The following RUVBL1 variants were observed in gnomAD, a reference collection of about 807,000 sequenced individuals.
RUVBL1 encodes RuvB like AAA ATPase 1, also known as ruvB-like 1.
In RUVBL1, 4 loss-of-function variants were observed where a neutral mutation model predicts 52.4. That is an observed-to-expected ratio of 0.08 (90% CI 0.04 to 0.17). RUVBL1 has a LOEUF of 0.17. Among genes scored for constraint, RUVBL1 ranks in the 10% least tolerant of loss-of-function variants. The probability of loss-of-function intolerance (pLI) is 1.00; values close to 1 mark genes in which losing one functional copy is unlikely to be tolerated. For synonymous variants in RUVBL1, 217 were observed against 214.4 expected, an observed-to-expected ratio of 1.01 and a Z score of -0.10; for missense variants, 298 against 572.8, an observed-to-expected ratio of 0.52 and a Z score of 4.90.
At chr3:128,069,779 A>G in intron 9 of RUVBL1, 1 of 907,468 alleles carries the variant, frequency 1.1e-6, no homozygotes, top group Non-Finnish European at 1.7e-6. Context: ...TGAATTTCGT[A>G]TTCTTTCATT....
Position 128,100,762 on chromosome 3 carries a change from C to T in RUVBL1, c.604-18G>A, listed in dbSNP as rs1031634236. On this transcript the variant is annotated intron_variant, in intron 5 of 10. Transcript: ENST00000322623. ...CCCTGCCTCTGCAAAAAGAGAGAAACATGAGTGCCTGGTAAGTTTTCACTG... is the reference window on the plus strand; with the variant it reads ...CCCTGCCTCTGCAAAAAGAGAGAAATATGAGTGCCTGGTAAGTTTTCACTG... The T allele has an allele frequency of 6.2e-7, 1 of 1,613,430 alleles. No homozygotes were observed. Among genetic ancestry groups the T allele is most frequent in the African/African-American group, 1.3e-5 (1 of 75,010 alleles).
intron 1 of RUVBL1, among the ~76,000 whole-genome samples, chr3:128,122,009 T>TCA (rs1943661586): frequency 6.6e-6 from 1 of 152,188 alleles, no homozygotes; most frequent in African/African-American, 2.4e-5. Context: ...GTGACCAGAG[T>TCA]CACACAAGAA....
chr3:128,129,894 G>C (rs962884833), intron 1 of RUVBL1, among the ~76,000 whole-genome samples: 1 of 152,126 alleles, frequency 6.6e-6, no homozygotes, highest in African/African-American at 2.4e-5. Context: ...ATTGGTGCAG[G>C]GTTTCCATCT....
intron 3 of RUVBL1, among the ~76,000 whole-genome samples, chr3:128,108,552 G>A (rs913461831): frequency 4.6e-5 from 7 of 151,862 alleles, no homozygotes; most frequent in African/African-American, 1.7e-4. Context: ...AATACTCAGG[G>A]ACCAGACACG....
chr3:128,066,737 T>A, intron 9 of RUVBL1: 3 of 577,958 alleles, frequency 5.2e-6, no homozygotes, highest in Non-Finnish European at 9.2e-6. Flanking sequence ...AGTGTATTTT[T>A]AAACCAGCTT....
exon 1 of RUVBL1, chr3:128,153,205 A>T: frequency 7.7e-7 from 1 of 1,303,192 alleles, no homozygotes; most frequent in South Asian, 2.1e-5. Context: ...CCACTCACCC[A>T]GAAAGTCCAA....
intron 1 of RUVBL1, among the ~76,000 whole-genome samples, chr3:128,130,021 C>T (rs960921714): frequency 1.3e-5 from 2 of 151,988 alleles, no homozygotes; most frequent in East Asian, 1.9e-4. Context: ...GTTTATGCTA[C>T]GTATCTTTTA....
At chr3:128,097,597 A>G in intron 7 of RUVBL1, 99 bp from the exon 8 acceptor site, 1 of 1,071,516 alleles carries the variant, frequency 9.3e-7, no homozygotes, top group East Asian at 2.4e-5. Flanking sequence ...CCATGCTAGG[A>G]GCCTAGTTTT....
chr3:128,111,035 G>A (rs2107704595), intron 3 of RUVBL1, among the ~76,000 whole-genome samples: 1 of 151,908 alleles, frequency 6.6e-6, no homozygotes, highest in Non-Finnish European at 1.5e-5. Flanking sequence ...GACCATCCTG[G>A]CCAACATGGT....
At chr3:128,129,508 A>AAACAACAAC (rs74644017) in intron 1 of RUVBL1, among the ~76,000 whole-genome samples, 1 of 151,616 alleles carries the variant, frequency 6.6e-6, no homozygotes, top group Non-Finnish European at 1.5e-5. Flanking sequence ...GGACCAGGAA[A>AAACAACAAC]AACAACAACA....
intron 8 of RUVBL1, among the ~76,000 whole-genome samples, chr3:128,089,909 CAAAAAAAAAAAAAAAAAA>C (rs57182193): frequency 8.4e-5 from 5 of 59,314 alleles, no homozygotes; most frequent in African/African-American, 2.7e-4. Flanking sequence ...GACCCTATCT[CAAAAAAAAAAAAAAAAAA>C]AAAAAAAAAA....
At chr3:128,072,223 T>C (rs1942185992) in intron 9 of RUVBL1, among the ~76,000 whole-genome samples, 1 of 152,156 alleles carries the variant, frequency 6.6e-6, no homozygotes, top group African/African-American at 2.4e-5. Context: ...CCCCCAGTGG[T>C]AGGCCACATT....
At chr3:128,078,761 G>A (rs934752285), downstream of RUVBL1, 12 of 152,202 alleles carry the variant, frequency 7.9e-5, no homozygotes, top group African/African-American at 2.9e-4. Context: ...TCTTAGTAAT[G>A]GATGGAGAAA....
At chr3:128,073,202 G>T (rs1011677300) in intron 9 of RUVBL1, among the ~76,000 whole-genome samples, 1 of 152,146 alleles carries the variant, frequency 6.6e-6, no homozygotes, top group African/African-American at 2.4e-5. Context: ...AAGGAATGAG[G>T]AGTCTAGGGA....
chr3:128,078,086 C>T (rs1475627305), downstream of RUVBL1, among the ~76,000 whole-genome samples: 2 of 152,222 alleles, frequency 1.3e-5, no homozygotes, highest in Admixed American at 1.3e-4. Context: ...TCCCACTGCT[C>T]CTCTGCCCAC....
intron 1 of RUVBL1, among the ~76,000 whole-genome samples, chr3:128,141,403 T>C (rs1433906802): frequency 6.6e-6 from 1 of 151,422 alleles, no homozygotes; most frequent in Non-Finnish European, 1.5e-5. Flanking sequence ...GATAATTAAA[T>C]GAGATCTTAA....
intron 9 of RUVBL1, among the ~76,000 whole-genome samples, chr3:128,074,375 T>G (rs903983909): frequency 9.1e-6 from 1 of 109,434 alleles, no homozygotes; most frequent in Non-Finnish European, 2.2e-5. Context: ...CCTAATCTAT[T>G]GCAAAAAAAA....
intron 8 of RUVBL1, among the ~76,000 whole-genome samples, chr3:128,096,216 T>C (rs989484324): frequency 6.6e-6 from 1 of 152,128 alleles, no homozygotes; most frequent in Non-Finnish European, 1.5e-5. Flanking sequence ...GACCAGGCAC[T>C]AATGTTTAAA....
chr3:128,075,000 G>A (rs1942271089), intron 9 of RUVBL1: 1 of 152,208 alleles, frequency 6.6e-6, no homozygotes, highest in Admixed American at 6.5e-5. Context: ...GCAGACAGGG[G>A]GATGGGCAGT....
Sources: gnomAD v4.1 joint callset for allele counts (sites outside exome capture counted in the v4.1 genomes callset) on GRCh38, gnomAD v4.1.1 for gene constraint, MANE v1.5 for transcripts, NCBI Gene and HGNC (gene_info 2026-07-23, HGNC 2026-07-21) for gene names.